Variants in PRC1 observed in about 807,000 individuals in gnomAD.
The protein encoded by PRC1 is protein regulator of cytokinesis 1.
Under a neutral mutation model 91.2 loss-of-function variants are expected in PRC1, and 54 were observed. That is an observed-to-expected ratio of 0.59 (90% CI 0.48 to 0.74). The LOEUF is 0.74. Among genes scored for constraint, PRC1 ranks in the 30% least tolerant of loss-of-function variants. PRC1 has a pLI of 0.00. For missense variants in PRC1, 727 were observed against 746.2 expected (o/e 0.97, Z 0.30); for synonymous variants, 275 against 263.6 (o/e 1.04, Z -0.42).
At chr15:90,981,405 G>T in intron 5 of PRC1, 94 bp downstream of exon 5, 1 of 1,375,778 alleles carries the variant, frequency 7.3e-7, no homozygotes, top group Non-Finnish European at 1.0e-6. Context: ...ACCTTACATT[G>T]TCTCCTTATT....
At chr15:90,993,331 C>T (rs2151642867) in intron 1 of PRC1, among the ~76,000 whole-genome samples, 1 of 151,610 alleles carries the variant, frequency 6.6e-6, no homozygotes, top group Non-Finnish European at 1.5e-5. Context: ...GCCTCAGCCT[C>T]CTGAAAAGCT....
intron 11 of PRC1, among the ~76,000 whole-genome samples, chr15:90,971,856 C>T (rs2151443640): frequency 6.6e-6 from 1 of 151,760 alleles, no homozygotes; most frequent in South Asian, 2.1e-4. Context: ...AGTGAAACCC[C>T]ATCTCTACTA....
At chr15:90,992,823 C>G (rs149934974) in intron 1 of PRC1, among the ~76,000 whole-genome samples, 1 of 152,094 alleles carries the variant, frequency 6.6e-6, no homozygotes, top group East Asian at 1.9e-4. Context: ...AATCACTGGA[C>G]TGGAAGGTAT....
intron 1 of PRC1, among the ~76,000 whole-genome samples, chr15:90,988,965 C>A (rs897922200): frequency 6.6e-6 from 1 of 152,048 alleles, no homozygotes; most frequent in Non-Finnish European, 1.5e-5. Context: ...GTAAAGTGAT[C>A]GTTTTTCTGA....
In PRC1 at chr15:90,987,491, C is replaced by CA. The variant is rs562068752; in HGVS notation, c.12-2667dup. The CA allele has an allele frequency of 7.2e-5, 11 of 152,214 alleles. No homozygotes were observed. The East Asian group carries it at 1.5e-3, about 21-fold the overall frequency. The allele number at this position is 152,214 out of a possible 1,614,324, so 9.4% of individuals were successfully genotyped here. A position where few individuals can be genotyped will look rare whatever the true frequency, so the allele number is the denominator to read the frequency against. On this transcript the variant is annotated intron_variant, in intron 1 of 14. Coordinates refer to ENST00000394249, the MANE Select transcript of PRC1 (RefSeq NM_003981.4). ...TTCAATTACCAAAAGCTTATTTTAA[C>CA]AAAAAATTATTTATCTAAAATACAA...
chr15:90,969,342 A>G, intron 13 of PRC1, 105 bp downstream of exon 13: 1 of 1,409,590 alleles, frequency 7.1e-7, no homozygotes, highest in Non-Finnish European at 9.7e-7. Flanking sequence ...TCAGCCTCCA[A>G]GGTAGCTGCC....
intron 9 of PRC1, among the ~76,000 whole-genome samples, chr15:90,975,827 GA>G (rs990585677): frequency 7.9e-5 from 12 of 151,982 alleles, no homozygotes; most frequent in African/African-American, 2.7e-4. Flanking sequence ...CTTGCGGGGG[GA>G]AAAAAGAAAG....
intron 3 of PRC1, chr15:90,982,808 G>C (rs770737466): frequency 6.6e-6 from 1 of 152,000 alleles, no homozygotes; most frequent in Non-Finnish European, 1.5e-5. Context: ...TTAGCTATAG[G>C]GTGGCATGCC....
intron 11 of PRC1, among the ~76,000 whole-genome samples, chr15:90,971,051 C>A (rs56917827): frequency 0.025 from 3,804 of 152,240 alleles, 151 homozygotes; most frequent in African/African-American, 0.084. Flanking sequence ...ATATGTACTG[C>A]GGGATTCTAT....
chr15:90,980,088 T>C (rs1357380407), intron 7 of PRC1, among the ~76,000 whole-genome samples, 154 bp downstream of exon 7: 1 of 152,238 alleles, frequency 6.6e-6, no homozygotes, highest in Non-Finnish European at 1.5e-5. Flanking sequence ...GCAGGCCACA[T>C]GAAGACCCCA....
chr15:90,966,308 C>G lies in PRC1; in HGVS notation c.*823G>C, dbSNP rs1055703798. ...GGAAGCTAGAGCAGGAACACCTCCC[C>G]AGTAGTGACATGTGCAAAGTTCCAG... On this transcript the variant is annotated 3_prime_UTR_variant, in exon 15 of 15. Transcript: ENST00000394249. 8.7e-5 allele frequency: 23 copies of G among 264,382 alleles called. No individual in the cohort carries two copies. The highest frequency in any genetic ancestry group is 5.2e-4 in the African/African-American group (23 of 44,512). 16.4% of individuals were successfully genotyped at this position (264,382 alleles called of 1,614,324 possible). A position where few individuals can be genotyped will look rare whatever the true frequency, so the allele number is the denominator to read the frequency against.
intron 14 of PRC1, chr15:90,967,543 T>G (rs1477545385): frequency 4.9e-6 from 1 of 204,680 alleles, no homozygotes; most frequent in African/African-American, 2.3e-5. Context: ...CCCATAAGAT[T>G]ATACCATATT....
chr15:90,982,028 T>C (rs1036947040), intron 3 of PRC1, 47 bp from the exon 4 acceptor site: 1 of 1,550,512 alleles, frequency 6.4e-7, no homozygotes, highest in South Asian at 1.1e-5. Context: ...AGTGAATTCC[T>C]TCAGAGGAAG....
chr15:90,967,354 G>T, intron 14 of PRC1, 152 bp from the exon 15 acceptor site: 1 of 639,618 alleles, frequency 1.6e-6, no homozygotes. Context: ...AGTAAAAGGT[G>T]AGGAACTCTG....
In PRC1 at chr15:90,969,763, CATATATATATATATATATATATAT is replaced by C. The variant is rs61067469; in HGVS notation, c.1573-164_1573-141del. On this transcript the variant is annotated intron_variant, in intron 12 of 14. Coordinates refer to ENST00000394249, the MANE Select transcript of PRC1 (RefSeq NM_003981.4). Reference sequence around the variant, plus strand: ...CTATACTTTTTAGTTAAAAAAAAAACATATATATATATATATATATATATATATATATATATATGGGGCTGGGTG... The same window carrying C: ...CTATACTTTTTAGTTAAAAAAAAAACATATATATATATATGGGGCTGGGTG... 3.8e-3 allele frequency: 495 copies of C among 130,508 alleles called. 27 individuals carry two copies. The highest frequency in any genetic ancestry group is 0.023 in the Middle Eastern group (8 of 342). 8.1% of individuals were successfully genotyped at this position (130,508 alleles called of 1,614,324 possible).
In PRC1 at chr15:90,981,836, G is replaced by A. The variant is rs2039219798; in HGVS notation, c.413C>T (p.Pro138Leu). The A allele has an allele frequency of 2.5e-6, 4 of 1,614,186 alleles. No individual in the cohort carries two copies. The highest frequency in any genetic ancestry group is 3.4e-6 in the Non-Finnish European group (4 of 1,180,038). ...DQELCEILCM[P>L]HYDIDSASVP... ...TGAGGCACTGTCAATATCATAGTGGGGCATACAAAGAATTTCGCACAGTTC... is the reference window on the plus strand; with the variant it reads ...TGAGGCACTGTCAATATCATAGTGGAGCATACAAAGAATTTCGCACAGTTC... The change falls in exon 4 of 15, where the codon CCC becomes CTC. Residue 138 changes from proline (P) to leucine (L), a missense_variant. Pro to Leu is a moderately conservative substitution (Grantham distance 98). Transcript: ENST00000394249.
intron 14 of PRC1, chr15:90,967,742 G>A (rs1218286276): frequency 1.3e-6 from 1 of 790,446 alleles, no homozygotes; most frequent in Non-Finnish European, 1.5e-6. Flanking sequence ...TGTGTAGGCT[G>A]TTCTGTCTAG....
At chr15:90,975,280 T>C (rs1047668470) in intron 9 of PRC1, among the ~76,000 whole-genome samples, 13 of 152,138 alleles carry the variant, frequency 8.5e-5, no homozygotes, top group Non-Finnish European at 1.6e-4. Context: ...TTTTTGTATT[T>C]TTTAGTAGAG....
chr15:90,966,449 G>A lies in PRC1; in HGVS notation c.*682C>T, dbSNP rs1004430868. The A allele has an allele frequency of 1.8e-5, 7 of 387,236 alleles. No individual in the cohort carries two copies. Among genetic ancestry groups the A allele is most frequent in the African/African-American group, 1.2e-4 (6 of 48,436 alleles). The allele number at this position is 387,236 out of a possible 1,614,324, so 24.0% of individuals were successfully genotyped here. A position where few individuals can be genotyped will look rare whatever the true frequency, so the allele number is the denominator to read the frequency against. ...AGGCACAGGAATGGGGGAGATGAGA[G>A]CCAAGGGACAAACGCCGAGAAAGCG... is the stretch of plus-strand genomic sequence containing the variant. On this transcript the variant is annotated 3_prime_UTR_variant, in exon 15 of 15. Coordinates refer to ENST00000394249, the MANE Select transcript of PRC1 (RefSeq NM_003981.4).
Sources: gnomAD v4.1 joint callset for allele counts (sites outside exome capture counted in the v4.1 genomes callset) on GRCh38, gnomAD v4.1.1 for gene constraint, MANE v1.5 for transcripts, NCBI Gene and HGNC (gene_info 2026-07-23, HGNC 2026-07-21) for gene names.